The following DEAF1 variants were observed in gnomAD, a reference collection of about 807,000 sequenced individuals.
The protein encoded by DEAF1 is deformed epidermal autoregulatory factor 1 homolog.
In DEAF1, 53 loss-of-function variants were observed where a neutral mutation model predicts 58.9. That is an observed-to-expected ratio of 0.90 (90% CI 0.72 to 1.13). The LOEUF is 1.13. Ranked by LOEUF, DEAF1 falls within the 50% of genes most tolerant of loss-of-function variation. The pLI is 0.00. For missense variants in DEAF1, 685 were observed against 791.4 expected, an observed-to-expected ratio of 0.87 and a Z score of 1.61; for synonymous variants, 385 against 340.4, an observed-to-expected ratio of 1.13 and a Z score of -1.44.
chr11:679,908 G>C, intron 7 of DEAF1, 92 bp from the exon 8 acceptor site: 1 of 1,567,384 alleles, frequency 6.4e-7, no homozygotes, highest in Non-Finnish European at 8.7e-7. Context: ...TCCTTGTGGG[G>C]GCCTGGGCTG....
rs191496432 is a variant in DEAF1 at position 691,568 on chromosome 11, C to A, written c.320G>T (p.Gly107Val). The change falls in exon 2 of 12, where the codon GGG becomes GTG. Residue 107 changes from glycine to valine, a missense_variant. Around this residue, in one of 3 missense-constraint regions of DEAF1, gnomAD observed 210 missense variants for 177.3 expected, o/e 1.18. Transcript: ENST00000382409. ...EVTTVTVANV[G>V]AAADNVFTTS... is the part of the protein sequence containing the mutation. ...GGTGAAGACATTGTCTGCAGCAGCC[C>A]CCACGTTGGCCACTGTCACTGTGGT... 7 of 1,613,746 alleles carry A rather than the reference C, an allele frequency of 4.3e-6. No homozygotes were observed. In the Admixed American group the frequency reaches 6.7e-5, roughly 15 times the overall value.
At chr11:673,364 C>CA (rs1443664480) in intron 10 of DEAF1, among the ~76,000 whole-genome samples, 2 of 151,388 alleles carry the variant, frequency 1.3e-5, no homozygotes, top group African/African-American at 4.9e-5. Context: ...CCGTCTCTAC[C>CA]AAAAATACAG....
upstream of DEAF1, among the ~76,000 whole-genome samples, chr11:696,370 C>T (rs959605884): frequency 7.9e-5 from 12 of 152,178 alleles, no homozygotes; most frequent in Non-Finnish European, 1.6e-4. Context: ...GCCAAACCTT[C>T]GTGCGTGTTC....
upstream of DEAF1, chr11:697,941 C>T (rs1861274448): frequency 6.6e-6 from 1 of 152,258 alleles, no homozygotes; most frequent in Non-Finnish European, 1.5e-5. Flanking sequence ...GCCCAAGAAG[C>T]TGTGGGATCA....
At chr11:653,048 C>T (rs1858853553) in intron 11 of DEAF1, among the ~76,000 whole-genome samples, 1 of 131,038 alleles carries the variant, frequency 7.6e-6, no homozygotes, top group South Asian at 2.4e-4. Context: ...CGCACCACTG[C>T]ACTCCAGCCT....
chr11:650,330 A>C (rs1858706903), intron 11 of DEAF1, among the ~76,000 whole-genome samples: 2 of 134,896 alleles, frequency 1.5e-5, no homozygotes, highest in Non-Finnish European at 3.1e-5. Flanking sequence ...GTGGAGATGG[A>C]GCCACTGCAT....
chr11:699,374 A>C (rs1267254840), upstream of DEAF1: 2 of 165,752 alleles, frequency 1.2e-5, no homozygotes, highest in Non-Finnish European at 2.6e-5. Flanking sequence ...AGCATAAACA[A>C]ATAGGAAATG....
upstream of DEAF1, chr11:698,960 C>T (rs1209703745): frequency 1.1e-5 from 18 of 1,587,340 alleles, no homozygotes; most frequent in Admixed American, 1.7e-5. Flanking sequence ...AGCACTCGGC[C>T]TCACCCCACG....
upstream of DEAF1, among the ~76,000 whole-genome samples, chr11:697,165 G>A (rs370181632): frequency 2.0e-5 from 3 of 151,820 alleles, no homozygotes; most frequent in South Asian, 4.2e-4. Flanking sequence ...GAGGCTGGCG[G>A]ATCACTGGAG....
In DEAF1 at chr11:653,967, G is replaced by C; in HGVS notation, c.1588C>G (p.Arg530Gly). 1 of 1,613,900 alleles carries C rather than the reference G, an allele frequency of 6.2e-7. No individual in the cohort carries two copies. Among genetic ancestry groups the C allele is most frequent in the Non-Finnish European group, 8.5e-7 (1 of 1,179,940 alleles). The change falls in exon 11 of 12, where the codon CGC becomes GGC. Residue 530 changes from arginine (R) to glycine (G), a missense_variant. By Grantham distance (125) the Arg-to-Gly change is moderately radical. Around this residue, in one of 3 missense-constraint regions of DEAF1, gnomAD observed 343 missense variants for 379.8 expected, o/e 0.90. Transcript: ENST00000382409. ...CTGGTGTAGGTGAGACCTACCTTGC[G>C]TTGGCAGAAGGTGGAGCAGTAGTTG... ...KVNYCSTFCQRKDWKDHQHIC... is the reference protein window; with the variant it reads ...KVNYCSTFCQGKDWKDHQHIC...
At chr11:679,625 G>C (rs1187088410) in intron 8 of DEAF1, 63 bp downstream of exon 8, 1 of 1,601,210 alleles carries the variant, frequency 6.2e-7, no homozygotes, top group South Asian at 1.1e-5. Context: ...GTGGCGTCGG[G>C]GATGTGATGT....
intron 10 of DEAF1, among the ~76,000 whole-genome samples, chr11:662,554 C>A (rs1859364575): frequency 6.6e-6 from 1 of 152,184 alleles, no homozygotes; most frequent in Non-Finnish European, 1.5e-5. Flanking sequence ...GCCCCCCAGG[C>A]TCCTGGAGGT....
At chr11:672,764 C>G (rs1050773354) in intron 10 of DEAF1, among the ~76,000 whole-genome samples, 4 of 152,082 alleles carry the variant, frequency 2.6e-5, no homozygotes, top group African/African-American at 9.7e-5. Flanking sequence ...AGGAGAATCA[C>G]TTGAACCCGG....
intron 1 of DEAF1, chr11:703,558 A>G (rs750784229): frequency 3.7e-4 from 462 of 1,232,972 alleles, no homozygotes; most frequent in African/African-American, 8.5e-4. Context: ...TAGTTCCCCA[A>G]TGGTCCTAAT....
intron 2 of DEAF1, among the ~76,000 whole-genome samples, chr11:691,067 C>T (rs768087113): frequency 1.3e-5 from 2 of 152,262 alleles, no homozygotes; most frequent in Non-Finnish European, 2.9e-5. Context: ...TCTAAGTAGA[C>T]AGCAGTCAGG....
upstream of DEAF1, chr11:695,850 A>G (rs1371041906): frequency 3.3e-6 from 4 of 1,228,390 alleles, no homozygotes; most frequent in Admixed American, 4.2e-5. Flanking sequence ...CGGCGAGGTG[A>G]GCTCGGGCGG....
intron 1 of DEAF1, chr11:700,500 C>T: frequency 3.4e-6 from 3 of 893,108 alleles, no homozygotes. Context: ...GAACTCCATC[C>T]TGGGTGACAG....
intron 1 of DEAF1, chr11:704,155 C>CA (rs1392644116): frequency 9.0e-7 from 1 of 1,107,178 alleles, no homozygotes; most frequent in African/African-American, 1.6e-5. Context: ...CCACCTCCCC[C>CA]ACCCCATCTC....
intron 11 of DEAF1, among the ~76,000 whole-genome samples, chr11:650,816 G>A (rs530155677): frequency 3.1e-4 from 47 of 152,168 alleles, no homozygotes; most frequent in Non-Finnish European, 5.9e-4. Context: ...TTAGCTGGGC[G>A]TGGGGCGTGT....
Sources: gnomAD v4.1 joint callset for allele counts (sites outside exome capture counted in the v4.1 genomes callset) on GRCh38, gnomAD v4.1.1 for gene constraint, gnomAD v4.1.1 regional missense constraint, MANE v1.5 for transcripts, NCBI Gene and HGNC (gene_info 2026-07-23, HGNC 2026-07-21) for gene names.